DPY19L4: variants seen among roughly 807,000 people sequenced by gnomAD.
The protein encoded by DPY19L4 is probable C-mannosyltransferase DPY19L4.
A neutral mutation model predicts 102.8 loss-of-function variants in DPY19L4; 97 were observed. The observed-to-expected ratio is 0.94, with a 90% CI of 0.80 to 1.12. The LOEUF (loss-of-function observed/expected upper bound fraction) is 1.12, where lower values mean the gene tolerates loss of function less well. Among genes scored for constraint, DPY19L4 ranks in the 50% most tolerant of loss-of-function variants. DPY19L4 has a pLI of 0.00. For missense variants in DPY19L4, 815 were observed against 850.4 expected, an observed-to-expected ratio of 0.96 and a Z score of 0.52; for synonymous variants, 252 against 283.1, an observed-to-expected ratio of 0.89 and a Z score of 1.10.
intron 16 of DPY19L4, among the ~76,000 whole-genome samples, chr8:94,782,054 C>G (rs2130932721): frequency 6.6e-6 from 1 of 152,272 alleles, no homozygotes; most frequent in South Asian, 2.1e-4. Flanking sequence ...AGAATTAGAC[C>G]TCTAGCTATT....
rs1355593927 is a variant in DPY19L4 at position 94,770,309 on chromosome 8, C to A, written c.1335-143C>A. On this transcript the variant is annotated intron_variant, in intron 12 of 18. Coordinates refer to ENST00000414645, the MANE Select transcript of DPY19L4 (RefSeq NM_181787.3). Reference sequence around the variant, plus strand: ...GTATTTAACTAGCAGAATATACTTTCAAATTTTAAAAGATCACCTATATTT... The same window carrying A: ...GTATTTAACTAGCAGAATATACTTTAAAATTTTAAAAGATCACCTATATTT... 13 of 949,412 alleles carry A rather than the reference C, an allele frequency of 1.4e-5. 1 individual carries two copies. In the East Asian group the frequency reaches 2.3e-4, roughly 17 times the overall value. The allele number at this position is 949,412 out of a possible 1,614,324, so 58.8% of individuals were successfully genotyped here.
At chr8:94,738,517 T>C (rs1811292425) in intron 4 of DPY19L4, 58 bp downstream of exon 4, 1 of 282,696 alleles carries the variant, frequency 3.5e-6, no homozygotes, top group Non-Finnish European at 5.5e-6. Flanking sequence ...TTTTCTTTTC[T>C]TTTTTTTTTT....
Position 94,791,498 on chromosome 8 carries a change from T to C in DPY19L4, c.*1588T>C, listed in dbSNP as rs1448361251. 2.0e-5 allele frequency: 3 copies of C among 152,156 alleles called. No individual in the cohort carries two copies. The highest frequency in any genetic ancestry group is 4.4e-5 in the Non-Finnish European group (3 of 68,002). The allele number at this position is 152,156 out of a possible 1,614,324, so 9.4% of individuals were successfully genotyped here. A position where few individuals can be genotyped will look rare whatever the true frequency, so the allele number is the denominator to read the frequency against. On this transcript the variant is annotated 3_prime_UTR_variant, in exon 19 of 19. Transcript: ENST00000414645. ...ATAGTTGCAGGCAGTGTACCTCAGG[T>C]TGACTCTGTACATCTGAATAGTGAG...
chr8:94,734,598 A>G (rs751703173), intron 2 of DPY19L4, 32 bp from the exon 3 acceptor site: 2 of 1,585,284 alleles, frequency 1.3e-6, no homozygotes, highest in Non-Finnish European at 1.7e-6. Flanking sequence ...GGTACATATT[A>G]CCTTTTCATT....
intron 7 of DPY19L4, among the ~76,000 whole-genome samples, chr8:94,758,195 C>T (rs1033388249): frequency 5.9e-5 from 9 of 152,258 alleles, no homozygotes; most frequent in South Asian, 2.1e-4. Context: ...GACGTGGACT[C>T]GCTCTGTCAC....
intron 1 of DPY19L4, 138 bp downstream of exon 1, chr8:94,720,152 G>A: frequency 7.2e-7 from 1 of 1,381,998 alleles, no homozygotes; most frequent in South Asian, 1.7e-5. Context: ...GGGAAGGAGC[G>A]CGGCGCCCAG....
intron 2 of DPY19L4, among the ~76,000 whole-genome samples, chr8:94,732,430 T>C (rs368245024): frequency 1.3e-5 from 2 of 152,172 alleles, no homozygotes; most frequent in South Asian, 2.1e-4. Flanking sequence ...CAGTGGCTCA[T>C]GTCTGTAATT....
intron 7 of DPY19L4, among the ~76,000 whole-genome samples, chr8:94,760,279 C>T (rs1812345071): frequency 6.6e-6 from 1 of 152,220 alleles, no homozygotes; most frequent in Non-Finnish European, 1.5e-5. Context: ...ATTAATTAGG[C>T]TGGGTCTAGA....
At chr8:94,738,123 CCTGA>C (rs1038805092) in intron 3 of DPY19L4, among the ~76,000 whole-genome samples, 1 of 151,530 alleles carries the variant, frequency 6.6e-6, no homozygotes, top group African/African-American at 2.4e-5. Flanking sequence ...TCGAAACCAT[CCTGA>C]CTAACACGGT....
At chr8:94,753,728 CAG>C (rs1812043542) in intron 6 of DPY19L4, among the ~76,000 whole-genome samples, 1 of 151,872 alleles carries the variant, frequency 6.6e-6, no homozygotes, top group African/African-American at 2.4e-5. Context: ...AAAAATTAGC[CAG>C]GCGTGGTGGC....
At chr8:94,744,505 G>A (rs551490621) in intron 6 of DPY19L4, 2 of 456,754 alleles carry the variant, frequency 4.4e-6, no homozygotes, top group Admixed American at 2.3e-5. Context: ...CCCTGGTACA[G>A]TGTGGGAGGT....
chr8:94,772,564 T>C (rs994315003), intron 13 of DPY19L4, among the ~76,000 whole-genome samples: 1 of 152,252 alleles, frequency 6.6e-6, no homozygotes, highest in Non-Finnish European at 1.5e-5. Flanking sequence ...TCAGAAACGA[T>C]GTGTGACAGT....
intron 8 of DPY19L4, 88 bp downstream of exon 8, chr8:94,761,922 A>G: frequency 1.4e-6 from 2 of 1,382,310 alleles, no homozygotes; most frequent in South Asian, 1.8e-5. Context: ...CTTCATCCAT[A>G]CACTCATATG....
chr8:94,719,925 G>T lies in DPY19L4; in HGVS notation c.-74G>T. 6.9e-7 allele frequency: 1 copy of T among 1,442,222 alleles called. No individual in the cohort carries two copies. Among genetic ancestry groups the T allele is most frequent in the East Asian group, 3.0e-5 (1 of 32,978 alleles). 89.3% of individuals were successfully genotyped at this position (1,442,222 alleles called of 1,614,324 possible). On this transcript the variant is annotated 5_prime_UTR_variant, in exon 1 of 19. Transcript: ENST00000414645. ...AGGAGCGGGCCCCCGGAGGCCGAGGGGTTCGGCGACGCGGAGGGAGGGAGA... is the reference window on the plus strand; with the variant it reads ...AGGAGCGGGCCCCCGGAGGCCGAGGTGTTCGGCGACGCGGAGGGAGGGAGA...
chr8:94,739,916 GC>G (rs1811369965), intron 6 of DPY19L4, 126 bp downstream of exon 6: 2 of 1,160,340 alleles, frequency 1.7e-6, no homozygotes, highest in Admixed American at 2.2e-5. Flanking sequence ...ATGATGAGAT[GC>G]CATTCCCATG....
intron 14 of DPY19L4, among the ~76,000 whole-genome samples, chr8:94,779,105 G>A (rs1813313837): frequency 6.6e-6 from 1 of 151,984 alleles, no homozygotes; most frequent in Admixed American, 6.5e-5. Flanking sequence ...CACAGAGGAG[G>A]CCAGAGTGGC....
intron 9 of DPY19L4, 118 bp from the exon 10 acceptor site, chr8:94,765,593 C>T (rs768718495): frequency 8.3e-6 from 7 of 839,166 alleles, no homozygotes; most frequent in Non-Finnish European, 1.3e-5. Context: ...TCTTTGGTCT[C>T]CCAAAGTGCT....
At chr8:94,758,829 A>C (rs1245825962) in intron 7 of DPY19L4, among the ~76,000 whole-genome samples, 1 of 151,812 alleles carries the variant, frequency 6.6e-6, no homozygotes, top group South Asian at 2.1e-4. Context: ...CCGCCTCCCA[A>C]GTTCAAGCGA....
At chr8:94,764,611 AT>A (rs1812553024) in intron 8 of DPY19L4, among the ~76,000 whole-genome samples, 1 of 141,492 alleles carries the variant, frequency 7.1e-6, no homozygotes, top group Non-Finnish European at 1.5e-5. Context: ...TGATAAGTTA[AT>A]TACACACTAT....
Sources: allele counts gnomAD v4.1 joint callset (sites outside exome capture counted in the v4.1 genomes callset), GRCh38; gene constraint gnomAD v4.1.1; transcripts MANE v1.5; gene names NCBI Gene and HGNC (gene_info 2026-07-23, HGNC 2026-07-21).